MTDH: variants seen among roughly 807,000 people sequenced by gnomAD.
The protein encoded by MTDH is metadherin.
A neutral mutation model predicts 72.7 loss-of-function variants in MTDH; 34 were observed. The ratio of observed to expected loss-of-function variants is 0.47; its 90% confidence interval spans 0.36 to 0.62. MTDH has a LOEUF of 0.62. Ranked by LOEUF, MTDH falls within the 20% of genes least tolerant of loss-of-function variation. The probability of loss-of-function intolerance (pLI) is 0.00; values close to 1 mark genes in which losing one functional copy is unlikely to be tolerated. For missense variants in MTDH, 677 were observed against 699.4 expected (o/e 0.97, Z 0.36); for synonymous variants, 266 against 268.9 (o/e 0.99, Z 0.10).
chr8:97,674,972 G>A (rs1278201492), intron 2 of MTDH, among the ~76,000 whole-genome samples: 3 of 151,940 alleles, frequency 2.0e-5, no homozygotes, highest in African/African-American at 4.8e-5. Flanking sequence ...CACCACACCC[G>A]ACTAATTTTT....
At chr8:97,689,175 CAAAT>C (rs778412015) in intron 5 of MTDH, 72 bp downstream of exon 5, 55 of 760,646 alleles carry the variant, frequency 7.2e-5, no homozygotes, top group Non-Finnish European at 9.8e-5. Context: ...CCTCTTTCCT[CAAAT>C]GAATGACACA....
rs575483501 is a variant in MTDH, at chr8:97,729,757, C to T, written c.*5087C>T. 6.6e-6 allele frequency among the ~76,000 whole-genome samples: 1 copy of T among 152,192 alleles called. No individual in the cohort carries two copies. Among genetic ancestry groups the T allele is most frequent in the South Asian group, 2.1e-4 (1 of 4,808 alleles). ...TCCTCCTGACTCAGCCTCCTAAATGCTGGGATTACAGGCATGAACCACTGT... is the reference window on the plus strand; with the variant it reads ...TCCTCCTGACTCAGCCTCCTAAATGTTGGGATTACAGGCATGAACCACTGT... On this transcript the variant is annotated 3_prime_UTR_variant, in exon 12 of 12. Coordinates refer to ENST00000336273, the MANE Select transcript of MTDH (RefSeq NM_178812.4).
At chr8:97,695,592 GA>G (rs1813803574) in intron 6 of MTDH, among the ~76,000 whole-genome samples, 1 of 152,178 alleles carries the variant, frequency 6.6e-6, no homozygotes, top group Admixed American at 6.5e-5. Flanking sequence ...TGGGTCACTG[GA>G]AAGAGACAGA....
At chr8:97,708,238 T>G (rs1403369495) in intron 8 of MTDH, among the ~76,000 whole-genome samples, 1 of 145,480 alleles carries the variant, frequency 6.9e-6, no homozygotes, top group Non-Finnish European at 1.5e-5. Flanking sequence ...GTGCTGGGAT[T>G]ACAGGCATGA....
chr8:97,698,874 G>A (rs1324367092), intron 6 of MTDH, among the ~76,000 whole-genome samples: 1 of 152,188 alleles, frequency 6.6e-6, no homozygotes, highest in East Asian at 1.9e-4. Context: ...AGGGCACAGT[G>A]GTTTATGCCT....
rs536182999 is a variant in MTDH, at chr8:97,710,654, C to G, written c.1273-3008C>G. Among the ~76,000 whole-genome samples the G allele has an allele frequency of 4.9e-5, 7 of 142,044 alleles. No homozygotes were observed. In the East Asian group the frequency reaches 1.4e-3, roughly 29 times the overall value. 93.2% of individuals were successfully genotyped at this position (142,044 alleles called of 152,430 possible). The stretch of plus-strand genomic sequence containing the variant: ...AGAGGTTGCAGTGAGGCACTTCACT[C>G]CAGCCTGGGCAACAGAGTGAGACTA... On this transcript the variant is annotated intron_variant, in intron 8 of 11. Transcript: ENST00000336273.
intron 9 of MTDH, among the ~76,000 whole-genome samples, chr8:97,717,765 T>C (rs1055296716): frequency 6.6e-6 from 1 of 152,160 alleles, no homozygotes; most frequent in African/African-American, 2.4e-5. Context: ...TTTGTTTGTT[T>C]TTGAGACAAG....
intron 2 of MTDH, among the ~76,000 whole-genome samples, chr8:97,672,571 G>T (rs1019146894): frequency 2.0e-5 from 3 of 152,170 alleles, no homozygotes; most frequent in Non-Finnish European, 4.4e-5. Flanking sequence ...AGACTTTTCT[G>T]TCTGAACTGC....
At chr8:97,722,335 C>T (rs1041965472) in intron 10 of MTDH, among the ~76,000 whole-genome samples, 3 of 152,200 alleles carry the variant, frequency 2.0e-5, no homozygotes, top group East Asian at 1.9e-4. Flanking sequence ...GGCGTGGTTG[C>T]TCATGCCTGT....
intron 2 of MTDH, among the ~76,000 whole-genome samples, chr8:97,683,072 T>A (rs1813203369): frequency 8.2e-6 from 1 of 122,388 alleles, no homozygotes; most frequent in South Asian, 3.0e-4. Flanking sequence ...TTTTTTTTTT[T>A]TTTTTTTTTT....
chr8:97,722,894 C>T lies in MTDH; in HGVS notation c.1537C>T (p.Pro513Ser), dbSNP rs1815186431. 6.2e-7 allele frequency: 1 copy of T among 1,611,066 alleles called. No individual in the cohort carries two copies. Among genetic ancestry groups the T allele is most frequent in the Non-Finnish European group, 8.5e-7 (1 of 1,179,174 alleles). Residue 513 changes from proline (P) to serine (S), a missense_variant, in exon 11 of 12, where the codon CCA becomes TCA. Physicochemically the swap from Pro to Ser is moderately conservative, Grantham distance 74. This residue lies in a region of MTDH where 201 missense variants were observed against 204.5 expected (regional missense o/e 0.98). Transcript: ENST00000336273. The stretch of plus-strand genomic sequence containing the variant: ...CCTAAAATAGCCTATCAAGACTCTT[C>T]CACCTGCTACTTCTACCGAGCCATC... ...VKNSQPIKTL[P>S]PATSTEPSVI... is the part of the protein sequence containing the mutation.
rs36070456 is a variant in MTDH at position 97,729,087 on chromosome 8, ATTTT to A, written c.*4432_*4435del. Among the ~76,000 whole-genome samples the A allele has an allele frequency of 2.2e-5, 3 of 138,028 alleles. No individual in the cohort carries two copies. Among genetic ancestry groups the A allele is most frequent in the Non-Finnish European group, 3.1e-5 (2 of 64,710 alleles). 90.6% of individuals were successfully genotyped at this position (138,028 alleles called of 152,430 possible). ...GGTACACACCACCATGCCTGGCTAA[ATTTT>A]TTTTTTTTTTTTTTGGTAGAGATGA... On this transcript the variant is annotated 3_prime_UTR_variant, in exon 12 of 12. Transcript: ENST00000336273.
chr8:97,661,062 G>C lies in MTDH; in HGVS notation c.382-10G>C, dbSNP rs544876445. 2 of 1,609,690 alleles carry C rather than the reference G, an allele frequency of 1.2e-6. No homozygotes were observed. The highest frequency in any genetic ancestry group is 1.7e-6 in the Non-Finnish European group (2 of 1,177,146). ...GTTTGATAATATGATACTTTTTGTT[G>C]CCTGTGCAGCCAAATGGGCGGACTG... On this transcript the variant is annotated splice_polypyrimidine_tract_variant and intron_variant, in intron 1 of 11. Transcript: ENST00000336273.
At chr8:97,713,337 G>A (rs1315514613) in intron 8 of MTDH, among the ~76,000 whole-genome samples, 3 of 152,004 alleles carry the variant, frequency 2.0e-5, no homozygotes, top group Admixed American at 1.3e-4. Flanking sequence ...CGCCCGCCTC[G>A]GCCTCCCAAA....
At chr8:97,701,573 A>G (rs542670578) in intron 7 of MTDH, among the ~76,000 whole-genome samples, 3 of 152,188 alleles carry the variant, frequency 2.0e-5, no homozygotes, top group Non-Finnish European at 4.4e-5. Flanking sequence ...TGAAAGCACT[A>G]TTTTTGGGGA....
chr8:97,662,034 A>G (rs1812191174), intron 2 of MTDH, among the ~76,000 whole-genome samples: 1 of 152,086 alleles, frequency 6.6e-6, no homozygotes, highest in Non-Finnish European at 1.5e-5. Context: ...GATTTTATTA[A>G]TTTTCCAGTT....
At position 97,687,492 on chromosome 8, in the gene MTDH, T is replaced by C. The variant is rs969376651; in HGVS notation, c.632T>C (p.Leu211Pro). Reference sequence around the variant, plus strand: ...CAGCAGCGTAAACGTGATAAGGTGCTGACTGATTCTGGTTCATTGGATTCA... The same window carrying C: ...CAGCAGCGTAAACGTGATAAGGTGCCGACTGATTCTGGTTCATTGGATTCA... ...KRQQRKRDKV[L>P]TDSGSLDSTI... Residue 211 changes from leucine to proline, a missense_variant, in exon 4 of 12, where the codon CTG (leucine) becomes CCG (proline). Coordinates refer to ENST00000336273, the MANE Select transcript of MTDH (RefSeq NM_178812.4). The C allele has an allele frequency of 1.9e-5, 31 of 1,613,654 alleles. No individual in the cohort carries two copies. Among genetic ancestry groups the C allele is most frequent in the Non-Finnish European group, 2.6e-5 (31 of 1,179,818 alleles).
chr8:97,699,945 T>C, intron 7 of MTDH, 93 bp downstream of exon 7: 1 of 776,378 alleles, frequency 1.3e-6, no homozygotes, highest in Non-Finnish European at 2.1e-6. Context: ...TTAATTCTAA[T>C]TTCTCACCTT....
At chr8:97,693,495 G>A (rs984632460) in intron 6 of MTDH, among the ~76,000 whole-genome samples, 1 of 152,164 alleles carries the variant, frequency 6.6e-6, no homozygotes, top group East Asian at 1.9e-4. Flanking sequence ...CACCACAACC[G>A]GCTAATTTTT....
Sources: allele counts gnomAD v4.1 joint callset (sites outside exome capture counted in the v4.1 genomes callset), GRCh38; gene constraint gnomAD v4.1.1; regional missense constraint gnomAD v4.1.1; transcripts MANE v1.5; gene names NCBI Gene and HGNC (gene_info 2026-07-23, HGNC 2026-07-21).